OTOG: variants seen among roughly 807,000 people sequenced by gnomAD.
The protein encoded by OTOG is otogelin.
Under a neutral mutation model 313.8 loss-of-function variants are expected in OTOG, and 296 were observed. That is an observed-to-expected ratio of 0.94 (90% CI 0.86 to 1.04). The LOEUF is 1.04. Among genes scored for constraint, OTOG ranks in the 50% least tolerant of loss-of-function variants. OTOG has a pLI of 0.00. For synonymous variants in OTOG, 1,533 were observed against 1,554.9 expected (o/e 0.99, Z 0.33); for missense variants, 3,948 against 3,840.1 (o/e 1.03, Z -0.74).
Position 17,643,540 on chromosome 11 carries a change from G to A in OTOG, c.8461+34G>A, listed in dbSNP as rs1188427689. 10 of 1,371,202 alleles carry A rather than the reference G, an allele frequency of 7.3e-6. 1 individual carries two copies. The highest frequency in any genetic ancestry group is 2.9e-5 in the East Asian group (1 of 34,150). The allele number at this position is 1,371,202 out of a possible 1,614,324, so 84.9% of individuals were successfully genotyped here. On this transcript the variant is annotated intron_variant, in intron 54 of 55. Transcript: ENST00000399397. The stretch of plus-strand genomic sequence containing the variant: ...GCATGGTGGGGGCCCAGGGGTGGGG[G>A]GCTCTGATGGGGGCACAGGGTGTCA...
intron 39 of OTOG, among the ~76,000 whole-genome samples, chr11:17,622,697 G>T (rs532450437): frequency 1.3e-5 from 2 of 152,052 alleles, no homozygotes; most frequent in Non-Finnish European, 1.5e-5. Context: ...ATATTATTGT[G>T]GCTGAATAGT....
At chr11:17,573,745 C>T (rs1183215273) in intron 19 of OTOG, among the ~76,000 whole-genome samples, 1 of 152,228 alleles carries the variant, frequency 6.6e-6, no homozygotes, top group Admixed American at 6.5e-5. Context: ...TCTTCATCAC[C>T]TCTGTGTCCC....
Position 17,613,261 on chromosome 11 carries a change from T to TTCTC in OTOG, c.6439-348_6439-347insCTCT, listed in dbSNP as rs1422748162. Among the ~76,000 whole-genome samples the TTCTC allele has an allele frequency of 1.2e-3, 168 of 135,068 alleles. 3 individuals carry two copies. Among genetic ancestry groups the TTCTC allele is most frequent in the African/African-American group, 5.0e-3 (160 of 32,162 alleles). 88.6% of individuals were successfully genotyped at this position (135,068 alleles called of 152,430 possible). On this transcript the variant is annotated intron_variant, in intron 38 of 55. Transcript: ENST00000399397. ...TTTCTTTCTTTCTTTCTTTCTTTCT[T>TTCTC]TCTTTCTCTCTCTGTCTGTCTTTCT...
chr11:17,558,424 T>G, intron 9 of OTOG, 109 bp downstream of exon 9: 1 of 1,516,950 alleles, frequency 6.6e-7, no homozygotes. Context: ...CTTGACCCCA[T>G]CCCTCTCTTC....
intron 39 of OTOG, among the ~76,000 whole-genome samples, chr11:17,621,314 C>T (rs1214974217): frequency 6.6e-6 from 1 of 152,102 alleles, no homozygotes; most frequent in East Asian, 1.9e-4. Flanking sequence ...CCAAAGTAGC[C>T]TTTATTCTGA....
chr11:17,571,276 A>T (rs541163166), intron 17 of OTOG, among the ~76,000 whole-genome samples: 1 of 152,344 alleles, frequency 6.6e-6, no homozygotes, highest in African/African-American at 2.4e-5. Context: ...TTTAGTGTGT[A>T]AGCTGTTTGC....
At chr11:17,552,268 T>C (rs551102151) in intron 4 of OTOG, among the ~76,000 whole-genome samples, 193 bp downstream of exon 4, 2 of 152,256 alleles carry the variant, frequency 1.3e-5, no homozygotes, top group Non-Finnish European at 2.9e-5. Context: ...GAGGAGAGCT[T>C]CCTCTCTAGA....
In OTOG at chr11:17,560,748, A is replaced by G. The variant is rs1387342390; in HGVS notation, c.1382A>G (p.Glu461Gly). ...FEDGGCVAPAECPCEFHGTLY... is the reference protein window; with the variant it reads ...FEDGGCVAPAGCPCEFHGTLY... ...GATGGGGGCTGCGTGGCACCAGCTG[A>G]GTGTCCCTGTGAGTTTCACGGGACT... Residue 461 changes from glutamate (E) to glycine (G), a missense_variant, in exon 13 of 56, where the codon GAG (glutamate) becomes GGG (glycine). Physicochemically the swap from Glu to Gly is moderately conservative, Grantham distance 98 (BLOSUM62 -2). Coordinates refer to ENST00000399397, the MANE Select transcript of OTOG (RefSeq NM_001292063.2). 3.2e-6 allele frequency: 5 copies of G among 1,550,498 alleles called. No individual in the cohort carries two copies. In the Middle Eastern group the frequency reaches 5.0e-4, roughly 155 times the overall value.
chr11:17,617,863 A>C (rs1038227561), intron 39 of OTOG, among the ~76,000 whole-genome samples: 12 of 148,758 alleles, frequency 8.1e-5, no homozygotes, highest in Non-Finnish European at 1.8e-4. Context: ...TTCTTTTTCT[A>C]GTTTGTTAAG....
At chr11:17,561,959 G>A (rs145616355) in intron 15 of OTOG, among the ~76,000 whole-genome samples, 152 bp downstream of exon 15, 157 of 151,202 alleles carry the variant, frequency 1.0e-3, no homozygotes, top group African/African-American at 3.7e-3. Context: ...TCCAGCCCAA[G>A]CACCTCTGCT....
At chr11:17,548,565 C>T (rs1351774888) in intron 3 of OTOG, among the ~76,000 whole-genome samples, 1 of 151,478 alleles carries the variant, frequency 6.6e-6, no homozygotes, top group East Asian at 1.9e-4. Flanking sequence ...TTTTCCCTGA[C>T]TGGCCTGCGA....
chr11:17,622,442 C>T (rs887829165), intron 39 of OTOG, among the ~76,000 whole-genome samples: 1 of 152,056 alleles, frequency 6.6e-6, no homozygotes, highest in Non-Finnish European at 1.5e-5. Flanking sequence ...TGTAGTCACC[C>T]TGTTGTGCTA....
chr11:17,597,452 C>T (rs1853140203), intron 30 of OTOG, among the ~76,000 whole-genome samples: 1 of 152,290 alleles, frequency 6.6e-6, no homozygotes, highest in East Asian at 1.9e-4. Context: ...CTCTGAGGAC[C>T]AAACTGGGTG....
intron 8 of OTOG, 59 bp from the exon 9 acceptor site, chr11:17,558,126 T>A: frequency 1.3e-6 from 2 of 1,540,272 alleles, no homozygotes; most frequent in Non-Finnish European, 1.8e-6. Flanking sequence ...GAGCCTTCTG[T>A]CCCTCCCATC....
At chr11:17,554,774 G>A (rs934295542) in intron 6 of OTOG, among the ~76,000 whole-genome samples, 1 of 152,180 alleles carries the variant, frequency 6.6e-6, no homozygotes, top group Non-Finnish European at 1.5e-5. Context: ...TGATGGATAT[G>A]TTACAATTAC....
intron 23 of OTOG, among the ~76,000 whole-genome samples, chr11:17,583,503 G>A (rs953065165): frequency 9.2e-5 from 14 of 152,322 alleles, no homozygotes; most frequent in African/African-American, 2.9e-4. Context: ...TCAAAATGGA[G>A]TCAAGGTATG....
chr11:17,640,660 G>A (rs1315716382), intron 49 of OTOG, 85 bp from the exon 50 acceptor site: 49 of 1,397,486 alleles, frequency 3.5e-5, no homozygotes, highest in African/African-American at 4.3e-5. Flanking sequence ...AGGGACTGAC[G>A]TAGAGAGGGG....
At chr11:17,600,507 T>C (rs1321845323) in intron 31 of OTOG, among the ~76,000 whole-genome samples, 2 of 152,160 alleles carry the variant, frequency 1.3e-5, no homozygotes, top group African/African-American at 4.8e-5. Flanking sequence ...GCCTGCATTA[T>C]CAGATTTTGG....
chr11:17,552,370 C>G (rs1372143664), intron 4 of OTOG, among the ~76,000 whole-genome samples: 3 of 152,170 alleles, frequency 2.0e-5, no homozygotes. Flanking sequence ...GTTTCCCCCT[C>G]CATCCCACCT....
Sources: allele counts gnomAD v4.1 joint callset (sites outside exome capture counted in the v4.1 genomes callset), GRCh38; gene constraint gnomAD v4.1.1; transcripts MANE v1.5; gene names NCBI Gene and HGNC (gene_info 2026-07-23, HGNC 2026-07-21).